Variants in VPS13D observed in about 807,000 individuals in gnomAD.
VPS13D encodes the protein intermembrane lipid transfer protein VPS13D.
VPS13D carries 187 observed loss-of-function variants against 461.9 expected under a neutral mutation model. That is an observed-to-expected ratio of 0.40 (90% CI 0.36 to 0.46). The LOEUF (loss-of-function observed/expected upper bound fraction) is 0.46. Among genes scored for constraint, VPS13D ranks in the 20% least tolerant of loss-of-function variants. The pLI is 0.60. For synonymous variants in VPS13D, 1,951 were observed against 1,986.3 expected (o/e 0.98, Z 0.47); for missense variants, 4,711 against 5,364.9 (o/e 0.88, Z 3.81).
At chr1:12,467,278 TCTC>T (rs1645497631) in intron 67 of VPS13D, among the ~76,000 whole-genome samples, 1 of 152,186 alleles carries the variant, frequency 6.6e-6, no homozygotes, top group African/African-American at 2.4e-5. Context: ...TTCAAGCAGT[TCTC>T]CTGCCTCAGC....
At chr1:12,303,426 T>C (rs1642478825) in intron 25 of VPS13D, among the ~76,000 whole-genome samples, 1 of 152,176 alleles carries the variant, frequency 6.6e-6, no homozygotes, top group South Asian at 2.1e-4. Flanking sequence ...ACAGAGAGGA[T>C]GTAGAGATGA....
At chr1:12,254,942 G>GCT (rs1302418930) in intron 7 of VPS13D, among the ~76,000 whole-genome samples, 1 of 151,146 alleles carries the variant, frequency 6.6e-6, no homozygotes, top group Non-Finnish European at 1.5e-5. Context: ...GTACATGATG[G>GCT]CTTTCTTCTT....
chr1:12,290,226 A>G (rs1407567239), intron 22 of VPS13D, among the ~76,000 whole-genome samples: 3 of 152,098 alleles, frequency 2.0e-5, no homozygotes, highest in Non-Finnish European at 4.4e-5. Flanking sequence ...GTGCCTATCT[A>G]CCTCATTAAT....
intron 5 of VPS13D, among the ~76,000 whole-genome samples, chr1:12,248,779 T>C (rs1237505138): frequency 6.6e-6 from 1 of 152,190 alleles, no homozygotes; most frequent in Admixed American, 6.5e-5. Flanking sequence ...TGTGGGGACA[T>C]AGAGGCAAGA....
chr1:12,385,068 G>A (rs985317520), intron 58 of VPS13D, among the ~76,000 whole-genome samples, 192 bp from the exon 59 acceptor site: 2 of 152,210 alleles, frequency 1.3e-5, no homozygotes, highest in Non-Finnish European at 2.9e-5. Flanking sequence ...GCTTGAGTTT[G>A]CCATGCAGAC....
At chr1:12,319,158 T>C (rs1289001616) in intron 31 of VPS13D, among the ~76,000 whole-genome samples, 1 of 152,164 alleles carries the variant, frequency 6.6e-6, no homozygotes, top group African/African-American at 2.4e-5. Flanking sequence ...GGTCATCACT[T>C]AGAGAAAGGA....
intron 65 of VPS13D, among the ~76,000 whole-genome samples, chr1:12,443,102 T>G (rs550494532): frequency 6.6e-6 from 1 of 152,260 alleles, no homozygotes; most frequent in Non-Finnish European, 1.5e-5. Context: ...GACATCTTCT[T>G]CCTTCACTTT....
chr1:12,432,410 G>T (rs200624112), intron 65 of VPS13D, among the ~76,000 whole-genome samples: 2 of 147,212 alleles, frequency 1.4e-5, no homozygotes, highest in Non-Finnish European at 3.0e-5. Flanking sequence ...AAAAAAAAAA[G>T]AAAAGAGCGA....
intron 63 of VPS13D, among the ~76,000 whole-genome samples, chr1:12,406,422 G>A (rs550037477): frequency 1.3e-5 from 2 of 152,218 alleles, no homozygotes; most frequent in African/African-American, 4.8e-5. Flanking sequence ...CTGACTAAAA[G>A]GTAAACCACG....
At chr1:12,373,195 A>G (rs1162414868) in intron 54 of VPS13D, among the ~76,000 whole-genome samples, 1 of 138,528 alleles carries the variant, frequency 7.2e-6, no homozygotes, top group East Asian at 2.1e-4. Context: ...GTCTCAGCTC[A>G]CTGCAACCTC....
At chr1:12,466,676 T>C (rs1002762468) in intron 67 of VPS13D, among the ~76,000 whole-genome samples, 6 of 151,916 alleles carry the variant, frequency 3.9e-5, no homozygotes, top group Admixed American at 3.9e-4. Context: ...GGCATGTATA[T>C]GGTAGAGGTG....
At chr1:12,363,951 CAAAAAAAAAAA>C (rs70987247) in intron 52 of VPS13D, among the ~76,000 whole-genome samples, 5 of 44,608 alleles carry the variant, frequency 1.1e-4, no homozygotes, top group Non-Finnish European at 1.8e-4. Flanking sequence ...GACTCTATCT[CAAAAAAAAAAA>C]AAAAAAAAAA....
intron 67 of VPS13D, among the ~76,000 whole-genome samples, chr1:12,491,528 T>C (rs895592106): frequency 6.6e-6 from 1 of 152,228 alleles, no homozygotes; most frequent in Non-Finnish European, 1.5e-5. Context: ...TCTCCCTGTG[T>C]CACCTTGTTT....
rs142788594 is a variant in VPS13D, at chr1:12,277,422, T to C, written c.3834T>C (p.Ser1278=). The change falls in exon 19 of 70, where the codon TCT becomes TCC. Residue 1278 remains serine, a synonymous_variant. Transcript: ENST00000620676. ...TGAGTTTCACGTTTGTTGAGAGATC[T>C]AAACAGGAGTGTTTTCTCAACCTGA... The part of the protein sequence containing the change: ...EALSFTFVER[S]KQECFLNLKM... 2 of 1,614,214 alleles carry C rather than the reference T, an allele frequency of 1.2e-6. No homozygotes were observed.
rs752053638 is a variant in VPS13D, at chr1:12,257,075, C to T, written c.929C>T (p.Ala310Val). Residue 310 changes from alanine (A) to valine (V), a missense_variant, in exon 9 of 70, where the codon GCG becomes GTG. This residue lies in a region of VPS13D where 4,411 missense variants were observed against 4,937.8 expected (regional missense o/e 0.89). Coordinates refer to ENST00000620676, the MANE Select transcript of VPS13D (RefSeq NM_015378.4). ...VKFRRWKPKV[A>V]ISKNCREWWY... ...TTCCGAAGGTGGAAACCCAAGGTGG[C>T]GATATCTAAGAAGTAAGGGCTTCTC... 9 of 1,613,894 alleles carry T rather than the reference C, an allele frequency of 5.6e-6. No homozygotes were observed. The highest frequency in any genetic ancestry group is 1.7e-5 in the Admixed American group (1 of 59,994).
chr1:12,363,262 C>T lies in VPS13D; in HGVS notation c.10448+15C>T. On this transcript the variant is annotated intron_variant, in intron 52 of 69. Coordinates refer to ENST00000620676, the MANE Select transcript of VPS13D (RefSeq NM_015378.4). Reference sequence around the variant, plus strand: ...ATCAACATGAGGTAAGTTTGAGACTCTAAATATAGACAAAAAGGTAGCCCC... The same window carrying T: ...ATCAACATGAGGTAAGTTTGAGACTTTAAATATAGACAAAAAGGTAGCCCC... 1 of 1,612,380 alleles carries T rather than the reference C, an allele frequency of 6.2e-7. No homozygotes were observed. Among genetic ancestry groups the T allele is most frequent in the Non-Finnish European group, 8.5e-7 (1 of 1,178,982 alleles).
At chr1:12,269,009 G>C in intron 16 of VPS13D, 133 bp downstream of exon 16, 2 of 975,892 alleles carry the variant, frequency 2.0e-6, no homozygotes, top group Non-Finnish European at 2.9e-6. Context: ...AGTCAATAGG[G>C]TTGCCCTGTC....
chr1:12,416,635 TTTCTC>T lies in VPS13D; in HGVS notation c.12166-21_12166-17del, dbSNP rs777748844. 14 of 1,606,024 alleles carry T rather than the reference TTTCTC, an allele frequency of 8.7e-6. No individual in the cohort carries two copies. The highest frequency in any genetic ancestry group is 1.3e-5 in the African/African-American group (1 of 74,370). On this transcript the variant is annotated intron_variant, in intron 64 of 69. Coordinates refer to ENST00000620676, the MANE Select transcript of VPS13D (RefSeq NM_015378.4). ...AATATAAGTAGATGCTGATTGGACT[TTTCTC>T]TTCCTGTTCCATTTGGCAGGAACTC...
intron 40 of VPS13D, 66 bp from the exon 41 acceptor site, chr1:12,341,714 G>T (rs1643571044): frequency 3.4e-6 from 5 of 1,477,614 alleles, no homozygotes; most frequent in Non-Finnish European, 4.7e-6. Flanking sequence ...CTGTCTCCAG[G>T]TTGGGGGAGG....
Sources: allele counts gnomAD v4.1 joint callset (sites outside exome capture counted in the v4.1 genomes callset), GRCh38; gene constraint gnomAD v4.1.1; regional missense constraint gnomAD v4.1.1; transcripts MANE v1.5; gene names NCBI Gene and HGNC (gene_info 2026-07-23, HGNC 2026-07-21).